Variants in CPA1 observed in about 807,000 individuals in gnomAD.
CPA1 encodes the protein carboxypeptidase A1 (pancreatic).
A neutral mutation model predicts 48.7 loss-of-function variants in CPA1; 42 were observed. The observed-to-expected ratio is 0.86, with a 90% CI of 0.67 to 1.11. The LOEUF (loss-of-function observed/expected upper bound fraction) is 1.11, where lower values mean the gene tolerates loss of function less well. Among genes scored for constraint, CPA1 ranks in the 50% most tolerant of loss-of-function variants. CPA1 has a pLI of 0.00. For synonymous variants in CPA1, 203 were observed against 217.9 expected (o/e 0.93, Z 0.60); for missense variants, 477 against 544.7 (o/e 0.88, Z 1.24).
chr7:130,382,121 T>A lies in CPA1; in HGVS notation c.395T>A (p.Leu132Gln), dbSNP rs782412885. The A allele has an allele frequency of 6.2e-7, 1 of 1,614,124 alleles. No individual in the cohort carries two copies. The highest frequency in any genetic ancestry group is 1.7e-5 in the Admixed American group (1 of 60,024). Residue 132 changes from leucine to glutamine, a missense_variant, in exon 4 of 10, where the codon CTG becomes CAG. Transcript: ENST00000011292. ...YHTLEEIYDF[L>Q]DLLVAENPHL... is the part of the protein sequence containing the mutation. Reference sequence around the variant, plus strand: ...TTCACACCTCAGATCTATGACTTCCTGGACCTGCTGGTGGCGGAGAACCCG... The same window carrying A: ...TTCACACCTCAGATCTATGACTTCCAGGACCTGCTGGTGGCGGAGAACCCG...
rs374458437 is a variant in CPA1 at position 130,384,507 on chromosome 7, G to A, written c.697-29G>A. ...CTGTGACAAGCGTCACACGTGCCTC[G>A]GGGTGGCTGATCCCATTTCCTTCCT... is the stretch of plus-strand genomic sequence containing the variant. On this transcript the variant is annotated intron_variant, in intron 6 of 9. Coordinates refer to ENST00000011292, the MANE Select transcript of CPA1 (RefSeq NM_001868.4). The A allele has an allele frequency of 8.7e-6, 14 of 1,600,006 alleles. 1 individual carries two copies. Among genetic ancestry groups the A allele is most frequent in the South Asian group, 7.7e-5 (7 of 90,742 alleles).
intron 6 of CPA1, chr7:130,384,295 C>A (rs1653475261): frequency 5.2e-6 from 3 of 572,642 alleles, no homozygotes; most frequent in Non-Finnish European, 9.4e-6. Flanking sequence ...TCCCCACTCT[C>A]TTTCACCCGA....
At chr7:130,384,804 C>T (rs1171338274) in intron 7 of CPA1, 178 bp downstream of exon 7, 1 of 628,644 alleles carries the variant, frequency 1.6e-6, no homozygotes, top group African/African-American at 1.8e-5. Flanking sequence ...TTGTTACTCG[C>T]CTGCAAAAGG....
chr7:130,384,968 A>C, intron 7 of CPA1, 178 bp from the exon 8 acceptor site: 1 of 664,018 alleles, frequency 1.5e-6, no homozygotes, highest in Non-Finnish European at 2.6e-6. Flanking sequence ...AGCTCTGCCC[A>C]AACCAGGCTG....
At chr7:130,384,455 A>G (rs1472044522) in intron 6 of CPA1, 81 bp from the exon 7 acceptor site, 11 of 1,208,592 alleles carry the variant, frequency 9.1e-6, no homozygotes, top group Non-Finnish European at 1.1e-5. Flanking sequence ...TGCTCTCTGC[A>G]GCCTCTGAAC....
At chr7:130,385,053 A>T in intron 7 of CPA1, 93 bp from the exon 8 acceptor site, 1 of 1,301,092 alleles carries the variant, frequency 7.7e-7, no homozygotes. Context: ...GCCCTTCCAT[A>T]CCACCTCACC....
intron 4 of CPA1, 53 bp downstream of exon 4, chr7:130,382,262 C>A: frequency 7.2e-7 from 1 of 1,382,156 alleles, no homozygotes; most frequent in Non-Finnish European, 1.0e-6. Context: ...CACGTGGCAT[C>A]CGTGATGGGC....
intron 9 of CPA1, 129 bp downstream of exon 9, chr7:130,386,052 C>A: frequency 2.7e-6 from 2 of 735,754 alleles, no homozygotes; most frequent in Non-Finnish European, 4.7e-6. Flanking sequence ...CTGGCAAGGG[C>A]TATTCTGAGG....
rs782234205 is a variant in CPA1, at chr7:130,383,699, G to A, written c.601G>A (p.Gly201Arg). 25 of 1,613,738 alleles carry A rather than the reference G, an allele frequency of 1.5e-5. No homozygotes were observed. The highest frequency in any genetic ancestry group is 8.3e-5 in the Admixed American group (5 of 60,012). The stretch of plus-strand genomic sequence containing the variant: ...AACCCCCCAGATCACTCAAGACTAC[G>A]GGCAGGATGCAGCTTTCACCGCCAT... ...WFAKKITQDY[G>R]QDAAFTAILD... Residue 201 changes from glycine to arginine, a missense_variant, in exon 6 of 10, where the codon GGG (glycine) becomes AGG (arginine). Transcript: ENST00000011292.
Position 130,382,158 on chromosome 7 carries a change from C to G in CPA1, c.432C>G (p.Ser144Arg), listed in dbSNP as rs2117501364. 1.2e-6 allele frequency: 2 copies of G among 1,614,230 alleles called. No individual in the cohort carries two copies. Among genetic ancestry groups the G allele is most frequent in the Non-Finnish European group, 1.7e-6 (2 of 1,180,034 alleles). Residue 144 changes from serine (S) to arginine (R), a missense_variant, in exon 4 of 10, where the codon AGC becomes AGG. Ser to Arg is a moderately radical substitution (Grantham distance 110). Coordinates refer to ENST00000011292, the MANE Select transcript of CPA1 (RefSeq NM_001868.4). ...LLVAENPHLV[S>R]KIQIGNTYEG... ...TGGCGGAGAACCCGCACCTTGTCAG[C>G]AAGATCCAGATTGGCAACACCTATG...
Position 130,384,598 on chromosome 7 carries a change from C to T in CPA1, c.759C>T (p.Pro253=). The change falls in exon 7 of 10, where the codon CCC becomes CCT. Residue 253 remains proline, a synonymous_variant. Transcript: ENST00000011292. ...TAGSLCIGVD[P]NRNWDAGFGL... is the part of the protein sequence containing the mutation. The stretch of plus-strand genomic sequence containing the variant: ...GCTCCCTCTGTATTGGCGTGGACCC[C>T]AACAGGAACTGGGACGCTGGCTTTG... 1.9e-6 allele frequency: 3 copies of T among 1,614,198 alleles called. No homozygotes were observed. The highest frequency in any genetic ancestry group is 2.5e-6 in the Non-Finnish European group (3 of 1,180,020).
intron 9 of CPA1, among the ~76,000 whole-genome samples, chr7:130,386,804 G>A (rs923188023): frequency 2.0e-5 from 3 of 152,200 alleles, no homozygotes; most frequent in African/African-American, 7.2e-5. Flanking sequence ...AAATGATACA[G>A]TATGTGAGGT....
At position 130,386,875 on chromosome 7, in the gene CPA1, G is replaced by T. The variant is rs139588855; in HGVS notation, c.1073-949G>T. Among the ~76,000 whole-genome samples the T allele has an allele frequency of 4.4e-3, 663 of 152,328 alleles. 8 individuals carry two copies. The highest frequency in any genetic ancestry group is 0.015 in the African/African-American group (620 of 41,580). On this transcript the variant is annotated intron_variant, in intron 9 of 9. Coordinates refer to ENST00000011292, the MANE Select transcript of CPA1 (RefSeq NM_001868.4). ...GGTGAGGTGAATCGGGAACACTGGG[G>T]GTGGAGGTGGGGCAGGTGGGTTGAA...
intron 8 of CPA1, 35 bp from the exon 9 acceptor site, chr7:130,385,804 C>A (rs1554411918): frequency 1.9e-6 from 3 of 1,575,506 alleles, no homozygotes; most frequent in South Asian, 1.1e-5. Context: ...AGGAGCCTGG[C>A]CATGACAGGT....
chr7:130,383,564 C>A (rs1396338070), intron 5 of CPA1, 72 bp downstream of exon 5: 6 of 1,441,984 alleles, frequency 4.2e-6, no homozygotes, highest in Non-Finnish European at 5.8e-6. Context: ...GAAGCCCGGG[C>A]CTCCCTTTGC....
rs1447800781 is a variant in CPA1 at position 130,385,036 on chromosome 7, G to A, written c.788-110G>A. ...TTGGGCTTTCCTGAATCCAGGGGTG[G>A]GAGTGAGCCCTTCCATACCACCTCA... On this transcript the variant is annotated intron_variant, in intron 7 of 9. Coordinates refer to ENST00000011292, the MANE Select transcript of CPA1 (RefSeq NM_001868.4). 2.8e-6 allele frequency: 3 copies of A among 1,072,896 alleles called. No homozygotes were observed. In the African/African-American group the frequency reaches 4.7e-5, roughly 17 times the overall value. 66.5% of individuals were successfully genotyped at this position (1,072,896 alleles called of 1,614,324 possible).
chr7:130,387,948 A>G lies in CPA1; in HGVS notation c.1197A>G (p.Thr399=), dbSNP rs2117509256. The G allele has an allele frequency of 3.7e-6, 6 of 1,614,136 alleles. 1 individual carries two copies. In the South Asian group the frequency reaches 6.6e-5, roughly 18 times the overall value. The change falls in exon 10 of 10, where the codon ACA becomes ACG. Residue 399 remains threonine (T), a synonymous_variant. Transcript: ENST00000011292. This position sits in a 1 kb window ranked among gnomAD's most constrained non-coding sequence, Gnocchi z 4.6. The stretch of plus-strand genomic sequence containing the variant: ...TGCCAGCCTCCCAGATCATCCCCAC[A>G]GCCAAGGAGACGTGGCTGGCGCTTC... The part of the protein sequence containing the change: ...FLLPASQIIP[T]AKETWLALLT...
At position 130,380,495 on chromosome 7, in the gene CPA1, G is replaced by A; in HGVS notation, c.-26G>A. ...AAGCCAGGGGGCCGTCTCGACCTCA[G>A]TCTGACCTTCCCTCCCGGCAGCAGC... On this transcript the variant is annotated 5_prime_UTR_variant, in exon 1 of 10. Coordinates refer to ENST00000011292, the MANE Select transcript of CPA1 (RefSeq NM_001868.4). 7.6e-7 allele frequency: 1 copy of A among 1,309,606 alleles called. No homozygotes were observed. The highest frequency in any genetic ancestry group is 3.0e-5 in the Admixed American group (1 of 33,128). The allele number at this position is 1,309,606 out of a possible 1,614,324, so 81.1% of individuals were successfully genotyped here.
intron 4 of CPA1, 149 bp downstream of exon 4, chr7:130,382,358 C>T: frequency 1.6e-6 from 1 of 632,298 alleles, no homozygotes; most frequent in Non-Finnish European, 2.8e-6. Context: ...GCCTGAGTCT[C>T]CACCCTGGTC....
Sources: allele counts gnomAD v4.1 joint callset (sites outside exome capture counted in the v4.1 genomes callset), GRCh38; gene constraint gnomAD v4.1.1; non-coding constraint Gnocchi (gnomAD v3.1); transcripts MANE v1.5; gene names NCBI Gene and HGNC (gene_info 2026-07-23, HGNC 2026-07-21).